The following EXOC6B variants were observed in gnomAD, a reference collection of about 807,000 sequenced individuals.
The protein encoded by EXOC6B is exocyst complex component 6B.
A neutral mutation model predicts 113.5 loss-of-function variants in EXOC6B; 54 were observed. The ratio of observed to expected loss-of-function variants is 0.48; its 90% CI spans 0.38 to 0.60. The LOEUF is 0.60. EXOC6B is among the 20% of genes least tolerant of loss of function. The pLI, the probability that EXOC6B is intolerant of heterozygous loss-of-function variation, is 0.00. For synonymous variants in EXOC6B, 357 were observed against 339.0 expected (o/e 1.05, Z -0.58); for missense variants, 797 against 977.5 (o/e 0.82, Z 2.46).
chr2:72,656,653 A>T (rs535490149), intron 6 of EXOC6B, among the ~76,000 whole-genome samples: 1 of 152,310 alleles, frequency 6.6e-6, no homozygotes, highest in African/African-American at 2.4e-5. Context: ...GGTGAAAGTC[A>T]AAATTCTTCT....
intron 1 of EXOC6B, among the ~76,000 whole-genome samples, chr2:72,815,827 A>G (rs1432493681): frequency 6.6e-6 from 1 of 152,188 alleles, no homozygotes; most frequent in Non-Finnish European, 1.5e-5. Flanking sequence ...TTACTTAGCA[A>G]TCTTACTTGT....
chr2:72,614,405 CA>C (rs771921751), intron 6 of EXOC6B, among the ~76,000 whole-genome samples: 1 of 152,030 alleles, frequency 6.6e-6, no homozygotes, highest in Non-Finnish European at 1.5e-5. Flanking sequence ...GGACACTGAA[CA>C]GCCTGTATAT....
intron 12 of EXOC6B, among the ~76,000 whole-genome samples, chr2:72,498,795 T>C (rs1237354587): frequency 6.6e-6 from 1 of 152,038 alleles, no homozygotes; most frequent in Non-Finnish European, 1.5e-5. Flanking sequence ...AAAATTAAAA[T>C]CTATATATAA....
chr2:72,284,757 A>T (rs1415967938), intron 20 of EXOC6B, among the ~76,000 whole-genome samples: 2 of 152,038 alleles, frequency 1.3e-5, no homozygotes, highest in East Asian at 3.9e-4. Flanking sequence ...AATTCCTGGG[A>T]CTAACAAGTC....
In EXOC6B at chr2:72,211,554, T is replaced by G. The variant is rs545763187; in HGVS notation, c.2197-27367A>C. Among the ~76,000 whole-genome samples, 153 of 152,282 alleles carry G rather than the reference T, an allele frequency of 1.0e-3. 1 individual carries two copies. The highest frequency in any genetic ancestry group is 1.8e-4 in the Non-Finnish European group (12 of 68,016). The stretch of plus-strand genomic sequence containing the variant: ...ATAACAGAAACAAAAACTTTGTCCT[T>G]GCTTAAGATGGAACTTTATGCCACA... On this transcript the variant is annotated intron_variant, in intron 20 of 21. Coordinates refer to ENST00000272427, the MANE Select transcript of EXOC6B (RefSeq NM_015189.3).
At chr2:72,550,848 A>T (rs1338952709) in intron 8 of EXOC6B, among the ~76,000 whole-genome samples, 1 of 152,130 alleles carries the variant, frequency 6.6e-6, no homozygotes, top group Non-Finnish European at 1.5e-5. Context: ...TAAAAATACC[A>T]ATACTGTGTC....
intron 18 of EXOC6B, among the ~76,000 whole-genome samples, chr2:72,445,979 A>G (rs1230625316): frequency 3.3e-5 from 5 of 152,264 alleles, no homozygotes; most frequent in Non-Finnish European, 7.3e-5. Flanking sequence ...ATTATTAAAA[A>G]GTAAACAAAA....
chr2:72,468,621 T>C (rs1202059634), intron 17 of EXOC6B, among the ~76,000 whole-genome samples: 1 of 152,218 alleles, frequency 6.6e-6, no homozygotes, highest in Non-Finnish European at 1.5e-5. Flanking sequence ...CTTTTGCTAT[T>C]TGGAGTCTTA....
intron 1 of EXOC6B, among the ~76,000 whole-genome samples, chr2:72,821,210 C>T (rs146887384): frequency 1.7e-3 from 255 of 152,026 alleles, no homozygotes; most frequent in Middle Eastern, 3.4e-3. Flanking sequence ...AAGGGATAAA[C>T]AATGACCAAT....
At chr2:72,515,800 A>T (rs754990316) in intron 8 of EXOC6B, 39 of 907,776 alleles carry the variant, frequency 4.3e-5, no homozygotes, top group Non-Finnish European at 5.1e-5. Flanking sequence ...TCAGAATGCA[A>T]CCATATTTGG....
intron 7 of EXOC6B, among the ~76,000 whole-genome samples, chr2:72,566,404 C>A (rs1047367342): frequency 1.3e-5 from 2 of 152,030 alleles, no homozygotes; most frequent in Admixed American, 1.3e-4. Context: ...TATGGATATA[C>A]CACAGTTCAT....
In EXOC6B at chr2:72,582,040, T is replaced by A. The variant is rs184844729; in HGVS notation, c.670-6372A>T. Among the ~76,000 whole-genome samples, 177 of 152,154 alleles carry A rather than the reference T, an allele frequency of 1.2e-3. 1 individual carries two copies. Among genetic ancestry groups the A allele is most frequent in the Non-Finnish European group, 1.9e-3 (127 of 67,992 alleles). ...TATGCACCACCTACTGGCTTCCAAG[T>A]TCAATCACAAACTCAATATAAAATC... On this transcript the variant is annotated intron_variant, in intron 6 of 21. Transcript: ENST00000272427.
chr2:72,809,480 C>G (rs1331507427), intron 1 of EXOC6B, among the ~76,000 whole-genome samples: 1 of 150,974 alleles, frequency 6.6e-6, no homozygotes, highest in Admixed American at 6.6e-5. Context: ...TTATCAAAAA[C>G]AGAGAAGGTC....
At position 72,492,307 on chromosome 2, in the gene EXOC6B, A is replaced by C; in HGVS notation, c.1665+11T>G. 6.4e-7 allele frequency: 1 copy of C among 1,560,228 alleles called. No homozygotes were observed. The highest frequency in any genetic ancestry group is 8.8e-7 in the Non-Finnish European group (1 of 1,131,818). On this transcript the variant is annotated intron_variant, in intron 16 of 21. Coordinates refer to ENST00000272427, the MANE Select transcript of EXOC6B (RefSeq NM_015189.3). Reference sequence around the variant, plus strand: ...TACTGGCTCGGCTGCCTTCATTAGGAGCAGGTTTACCTCAGTAAGCCCAAT... The same window carrying C: ...TACTGGCTCGGCTGCCTTCATTAGGCGCAGGTTTACCTCAGTAAGCCCAAT...
intron 8 of EXOC6B, among the ~76,000 whole-genome samples, chr2:72,555,366 C>T (rs1202218964): frequency 6.6e-6 from 1 of 152,236 alleles, no homozygotes; most frequent in Non-Finnish European, 1.5e-5. Context: ...ATTTACACTT[C>T]CACCAACAGT....
intron 1 of EXOC6B, among the ~76,000 whole-genome samples, chr2:72,819,066 G>C (rs1373383852): frequency 6.6e-6 from 1 of 152,154 alleles, no homozygotes; most frequent in Non-Finnish European, 1.5e-5. Context: ...GTACCCCAGA[G>C]CCTGGAAGAG....
intron 6 of EXOC6B, among the ~76,000 whole-genome samples, chr2:72,653,647 A>T (rs1273891949): frequency 6.7e-6 from 1 of 149,924 alleles, no homozygotes; most frequent in Non-Finnish European, 1.5e-5. Flanking sequence ...GAGTTGAAAG[A>T]GATCTAAAAA....
chr2:72,651,108 T>C (rs962232873), intron 6 of EXOC6B, among the ~76,000 whole-genome samples: 3 of 152,228 alleles, frequency 2.0e-5, no homozygotes, highest in Non-Finnish European at 4.4e-5. Flanking sequence ...GCGTTCACTA[T>C]GGACCCGCAA....
In EXOC6B at chr2:72,679,758, A is replaced by G. The variant is rs564342558; in HGVS notation, c.669+38345T>C. On this transcript the variant is annotated intron_variant, in intron 6 of 21. Coordinates refer to ENST00000272427, the MANE Select transcript of EXOC6B (RefSeq NM_015189.3). ...TTAGAAGCTGATGGAAATGGCAACAAAAGGTTTCAAAAGAGAAATGGAATA... is the reference window on the plus strand; with the variant it reads ...TTAGAAGCTGATGGAAATGGCAACAGAAGGTTTCAAAAGAGAAATGGAATA... 2.0e-5 allele frequency among the ~76,000 whole-genome samples: 3 copies of G among 152,308 alleles called. No homozygotes were observed. The South Asian group carries it at 6.2e-4, about 32-fold the overall frequency.
Sources: allele counts gnomAD v4.1 joint callset (sites outside exome capture counted in the v4.1 genomes callset), GRCh38; gene constraint gnomAD v4.1.1; transcripts MANE v1.5; gene names NCBI Gene and HGNC (gene_info 2026-07-23, HGNC 2026-07-21).